SORCS1: variants seen among roughly 807,000 people sequenced by gnomAD.
SORCS1 encodes the protein sortilin related VPS10 domain containing receptor 1.
In SORCS1, 60 loss-of-function variants were observed where a neutral mutation model predicts 146.1. The ratio of observed to expected loss-of-function variants is 0.41; its 90% CI spans 0.33 to 0.51. The LOEUF is 0.51. Ranked by LOEUF, SORCS1 falls within the 20% of genes least tolerant of loss-of-function variation. SORCS1 has a pLI of 0.21. For synonymous variants in SORCS1, 637 were observed against 584.0 expected, an observed-to-expected ratio of 1.09 and a Z score of -1.31; for missense variants, 1,352 against 1,487.6, an observed-to-expected ratio of 0.91 and a Z score of 1.50.
chr10:107,158,550 C>G (rs951151177), intron 1 of SORCS1, among the ~76,000 whole-genome samples: 1 of 152,218 alleles, frequency 6.6e-6, no homozygotes, highest in Non-Finnish European at 1.5e-5. Context: ...GCCCAACTCT[C>G]CCCTGACTTC....
chr10:107,109,546 C>T (rs1965538752), intron 1 of SORCS1, among the ~76,000 whole-genome samples: 1 of 152,246 alleles, frequency 6.6e-6, no homozygotes, highest in African/African-American at 2.4e-5. Context: ...CAGTGAGGCC[C>T]TGGGCCCTGC....
At chr10:106,944,226 C>T (rs1954198182) in intron 2 of SORCS1, among the ~76,000 whole-genome samples, 1 of 152,094 alleles carries the variant, frequency 6.6e-6, no homozygotes, top group Non-Finnish European at 1.5e-5. Flanking sequence ...TTTACTTGCC[C>T]CAGACCTTTC....
intron 1 of SORCS1, among the ~76,000 whole-genome samples, chr10:107,000,081 C>T (rs1257488707): frequency 6.6e-6 from 1 of 152,146 alleles, no homozygotes; most frequent in African/African-American, 2.4e-5. Flanking sequence ...AAACTGTACT[C>T]CCAGTGACAC....
At chr10:106,604,873 G>C (rs1803002667) in intron 23 of SORCS1, among the ~76,000 whole-genome samples, 1 of 152,042 alleles carries the variant, frequency 6.6e-6, no homozygotes, top group Non-Finnish European at 1.5e-5. Flanking sequence ...TTTACTCAAG[G>C]CCAAGTACTT....
At chr10:106,869,398 A>C (rs1165998835) in intron 2 of SORCS1, among the ~76,000 whole-genome samples, 1 of 152,126 alleles carries the variant, frequency 6.6e-6, no homozygotes, top group African/African-American at 2.4e-5. Flanking sequence ...AAAAAGAGAA[A>C]ATTTTAGGCC....
intron 25 of SORCS1, chr10:106,578,886 G>A (rs1346823645): frequency 7.1e-7 from 1 of 1,408,264 alleles, no homozygotes; most frequent in Non-Finnish European, 9.2e-7. Flanking sequence ...AAACTAATGA[G>A]AGAAAAAAAC....
intron 1 of SORCS1, among the ~76,000 whole-genome samples, chr10:106,959,925 T>TATAGAAAAACTTGA (rs1258676421): frequency 6.6e-6 from 1 of 152,208 alleles, no homozygotes; most frequent in Non-Finnish European, 1.5e-5. Context: ...TGAGTTCAAG[T>TATAGAAAAACTTGA]GTAGAGTATT....
chr10:107,057,528 T>C (rs1270915836), intron 1 of SORCS1, among the ~76,000 whole-genome samples: 1 of 152,134 alleles, frequency 6.6e-6, no homozygotes, highest in Non-Finnish European at 1.5e-5. Context: ...CCAAACCAAG[T>C]AATTCTTTCT....
intron 4 of SORCS1, among the ~76,000 whole-genome samples, chr10:106,762,554 G>A (rs1199073131): frequency 3.3e-5 from 5 of 151,028 alleles, no homozygotes; most frequent in African/African-American, 4.9e-5. Context: ...CACCAAGCCC[G>A]GCTAATTTTT....
intron 1 of SORCS1, among the ~76,000 whole-genome samples, chr10:106,982,651 G>A (rs962862985): frequency 2.0e-5 from 3 of 152,046 alleles, no homozygotes; most frequent in African/African-American, 4.8e-5. Flanking sequence ...TTTTTCTTAC[G>A]GATTTGACTT....
chr10:107,148,260 T>C (rs1382279685), intron 1 of SORCS1, among the ~76,000 whole-genome samples: 6 of 152,160 alleles, frequency 3.9e-5, no homozygotes, highest in African/African-American at 1.4e-4. Context: ...AATCAGGCCT[T>C]GGCAAACGTT....
chr10:106,660,543 A>G (rs181289849), intron 17 of SORCS1, among the ~76,000 whole-genome samples: 119 of 152,354 alleles, frequency 7.8e-4, no homozygotes, highest in African/African-American at 2.6e-3. Flanking sequence ...TAGTATAAAC[A>G]TAACTATTTT....
rs1266768290 is a variant in SORCS1, at chr10:106,711,907, C to T, written c.1025-2566G>A. Reference sequence around the variant, plus strand: ...CAGCTTTTAAGTGACTTCTGTTTTCCAAAATGTAGCTTGGGGGTCATAGAA... The same window carrying T: ...CAGCTTTTAAGTGACTTCTGTTTTCTAAAATGTAGCTTGGGGGTCATAGAA... On this transcript the variant is annotated intron_variant, in intron 6 of 25. Coordinates refer to ENST00000263054, the MANE Select transcript of SORCS1 (RefSeq NM_052918.5). 2.0e-5 allele frequency among the ~76,000 whole-genome samples: 3 copies of T among 152,074 alleles called. No homozygotes were observed. The East Asian group carries it at 5.8e-4, about 29-fold the overall frequency.
chr10:107,034,420 C>T (rs1353828895), intron 1 of SORCS1, among the ~76,000 whole-genome samples: 2 of 151,830 alleles, frequency 1.3e-5, no homozygotes, highest in African/African-American at 2.4e-5. Flanking sequence ...TGGCTCATAC[C>T]TGTAATCCCA....
chr10:107,002,059 C>A (rs1589897141), intron 1 of SORCS1, among the ~76,000 whole-genome samples: 1 of 152,240 alleles, frequency 6.6e-6, no homozygotes, highest in East Asian at 1.9e-4. Context: ...TGTTACACAG[C>A]AAATGAACAC....
At chr10:107,086,814 G>T (rs1255735918) in intron 1 of SORCS1, among the ~76,000 whole-genome samples, 1 of 152,212 alleles carries the variant, frequency 6.6e-6, no homozygotes, top group Non-Finnish European at 1.5e-5. Flanking sequence ...TGGATCACCA[G>T]GTCAGGAGAT....
At chr10:106,844,625 C>T (rs1218345652) in intron 2 of SORCS1, among the ~76,000 whole-genome samples, 3 of 149,558 alleles carry the variant, frequency 2.0e-5, no homozygotes, top group East Asian at 2.0e-4. Flanking sequence ...TACATGTGCA[C>T]ATTGTGCAGG....
At chr10:106,867,516 C>T (rs908509685) in intron 2 of SORCS1, among the ~76,000 whole-genome samples, 1 of 152,096 alleles carries the variant, frequency 6.6e-6, no homozygotes, top group Non-Finnish European at 1.5e-5. Flanking sequence ...ATCTCCTGAC[C>T]TCGTGATCCG....
At chr10:107,022,814 G>C (rs757664095) in intron 1 of SORCS1, among the ~76,000 whole-genome samples, 6 of 152,200 alleles carry the variant, frequency 3.9e-5, no homozygotes, top group Non-Finnish European at 8.8e-5. Flanking sequence ...TGAATTGCTT[G>C]TTAAAATGTG....
Sources: allele counts gnomAD v4.1 joint callset (sites outside exome capture counted in the v4.1 genomes callset), GRCh38; gene constraint gnomAD v4.1.1; transcripts MANE v1.5; gene names NCBI Gene and HGNC (gene_info 2026-07-23, HGNC 2026-07-21).